Variants in UBTD2 observed in about 807,000 individuals in gnomAD.
UBTD2 encodes the protein ubiquitin domain-containing protein 2.
UBTD2 carries 9 observed loss-of-function variants against 19.8 expected under a neutral mutation model. The observed-to-expected ratio is 0.46, with a 90% CI of 0.27 to 0.79. UBTD2 has a LOEUF of 0.79. UBTD2 is among the 30% of genes least tolerant of loss of function. The probability of loss-of-function intolerance (pLI) is 0.14; values close to 1 mark genes in which losing one functional copy is unlikely to be tolerated. For missense variants in UBTD2, 250 were observed against 300.4 expected, an observed-to-expected ratio of 0.83 and a Z score of 1.24; for synonymous variants, 98 against 103.9, an observed-to-expected ratio of 0.94 and a Z score of 0.35.
chr5:172,268,229 T>C (rs530086214), intron 1 of UBTD2, among the ~76,000 whole-genome samples: 3 of 152,150 alleles, frequency 2.0e-5, no homozygotes, highest in East Asian at 3.9e-4. Context: ...CTAAGGAAGT[T>C]CAGAAAACGG....
chr5:172,243,707 C>T (rs983333348), intron 1 of UBTD2, among the ~76,000 whole-genome samples: 9 of 151,636 alleles, frequency 5.9e-5, no homozygotes, highest in East Asian at 1.9e-4. Flanking sequence ...GGATTACAGA[C>T]GCCTGCCACC....
intron 1 of UBTD2, among the ~76,000 whole-genome samples, chr5:172,259,996 T>G (rs908611664): frequency 6.6e-6 from 1 of 152,066 alleles, no homozygotes; most frequent in Non-Finnish European, 1.5e-5. Context: ...GAGGTTGCAG[T>G]GAGCCAAGAT....
At chr5:172,227,148 T>G (rs1314849182) in intron 2 of UBTD2, among the ~76,000 whole-genome samples, 1 of 152,136 alleles carries the variant, frequency 6.6e-6, no homozygotes, top group Non-Finnish European at 1.5e-5. Flanking sequence ...AGAAACCCTG[T>G]GTTCCTCTAC....
intron 1 of UBTD2, among the ~76,000 whole-genome samples, chr5:172,254,158 G>A (rs1455858095): frequency 6.6e-6 from 1 of 152,140 alleles, no homozygotes; most frequent in Admixed American, 6.5e-5. Flanking sequence ...GGAGTGCAGT[G>A]GTGCAATCTC....
chr5:172,255,640 G>A (rs954273266), intron 1 of UBTD2, among the ~76,000 whole-genome samples: 1 of 152,126 alleles, frequency 6.6e-6, no homozygotes, highest in Non-Finnish European at 1.5e-5. Flanking sequence ...GCTGGGGCCC[G>A]GCTACACGAG....
intron 1 of UBTD2, among the ~76,000 whole-genome samples, chr5:172,274,871 C>T (rs570229102): frequency 4.7e-4 from 71 of 152,214 alleles, no homozygotes; most frequent in African/African-American, 1.5e-3. Flanking sequence ...CCCAACTCTA[C>T]TAAAAATACA....
intron 1 of UBTD2, among the ~76,000 whole-genome samples, chr5:172,235,638 T>C (rs1321702322): frequency 6.6e-6 from 1 of 152,110 alleles, no homozygotes; most frequent in African/African-American, 2.4e-5. Flanking sequence ...GACAATGTTA[T>C]GTAGTAGTAG....
intron 1 of UBTD2, among the ~76,000 whole-genome samples, chr5:172,278,414 AG>A (rs1344698760): frequency 6.6e-6 from 1 of 151,826 alleles, no homozygotes; most frequent in East Asian, 1.9e-4. Flanking sequence ...AGCTACTCGG[AG>A]GGCTGAGACA....
At chr5:172,242,330 T>G (rs979582653) in intron 1 of UBTD2, 1 of 960,556 alleles carries the variant, frequency 1.0e-6, no homozygotes, top group African/African-American at 1.8e-5. Context: ...AAAAAATTTA[T>G]ATCATCTATT....
rs1222525924 is a variant in UBTD2 at position 172,211,497 on chromosome 5, C to CA, written c.*332dup. 3 of 202,148 alleles carry CA rather than the reference C, an allele frequency of 1.5e-5. No individual in the cohort carries two copies. In the East Asian group the frequency reaches 3.5e-4, roughly 23 times the overall value. 12.5% of individuals were successfully genotyped at this position (202,148 alleles called of 1,614,324 possible). On this transcript the variant is annotated 3_prime_UTR_variant, in exon 3 of 3. Coordinates refer to ENST00000393792, the MANE Select transcript of UBTD2 (RefSeq NM_152277.3). ...CAAAAAGGTGCTTGGTGCTGTCCTTCATGGATGCAATGTTTCATTTACAGT... is the reference window on the plus strand; with the variant it reads ...CAAAAAGGTGCTTGGTGCTGTCCTTCAATGGATGCAATGTTTCATTTACAGT...
At chr5:172,220,468 T>C (rs1369657664) in intron 2 of UBTD2, among the ~76,000 whole-genome samples, 4 of 152,140 alleles carry the variant, frequency 2.6e-5, no homozygotes, top group Non-Finnish European at 5.9e-5. Context: ...AAACTCCATC[T>C]CTACTAAAAA....
chr5:172,270,913 A>G (rs1415801697), intron 1 of UBTD2, among the ~76,000 whole-genome samples: 2 of 152,120 alleles, frequency 1.3e-5, no homozygotes, highest in Admixed American at 1.3e-4. Context: ...CACTTCACTA[A>G]TATCACCTAT....
intron 1 of UBTD2, among the ~76,000 whole-genome samples, chr5:172,250,156 G>A (rs754889317): frequency 6.6e-6 from 1 of 152,116 alleles, no homozygotes; most frequent in Non-Finnish European, 1.5e-5. Flanking sequence ...CTGGTAGGCG[G>A]AGGTTGCAGT....
rs1771421405 is a variant in UBTD2, at chr5:172,210,531, T to C, written c.*1299A>G. ...TTACTCCAGTCATAGTATAGAAGAA[T>C]CAGGTTATCTCCCTGGATTTTTCAG... is the stretch of plus-strand genomic sequence containing the variant. On this transcript the variant is annotated 3_prime_UTR_variant, in exon 3 of 3. Coordinates refer to ENST00000393792, the MANE Select transcript of UBTD2 (RefSeq NM_152277.3). 1 of 152,172 alleles carries C rather than the reference T, an allele frequency of 6.6e-6. No homozygotes were observed. Among genetic ancestry groups the C allele is most frequent in the African/African-American group, 2.4e-5 (1 of 41,434 alleles). The allele number at this position is 152,172 out of a possible 1,614,324, so 9.4% of individuals were successfully genotyped here.
chr5:172,273,162 G>T (rs1755533675), intron 1 of UBTD2, among the ~76,000 whole-genome samples: 1 of 151,476 alleles, frequency 6.6e-6, no homozygotes, highest in Admixed American at 6.6e-5. Context: ...AAAGTTAGAA[G>T]AGTAAAAATT....
rs760839852 is a variant in UBTD2, at chr5:172,211,853, T to C, written c.682A>G (p.Asn228Asp). The change falls in exon 3 of 3, where the codon AAC (asparagine) becomes GAC (aspartate). Residue 228 changes from asparagine to aspartate, a missense_variant. Transcript: ENST00000393792. The part of the protein sequence containing the change: ...VQVIVSQPVQ[N>D]PTPVEN Reference sequence around the variant, plus strand: ...GTTCAGTTCTCCACTGGTGTTGGGTTCTGCACAGGTTGGCTCACTATAACC... The same window carrying C: ...GTTCAGTTCTCCACTGGTGTTGGGTCCTGCACAGGTTGGCTCACTATAACC... The C allele has an allele frequency of 5.6e-6, 9 of 1,613,324 alleles. No homozygotes were observed. The highest frequency in any genetic ancestry group is 7.6e-6 in the Non-Finnish European group (9 of 1,179,510).
chr5:172,275,689 C>G (rs1173302764), intron 1 of UBTD2, among the ~76,000 whole-genome samples: 4 of 152,190 alleles, frequency 2.6e-5, no homozygotes, highest in Non-Finnish European at 5.9e-5. Flanking sequence ...CAGCTGATCC[C>G]AAAATCCACA....
chr5:172,253,258 G>GCTTA (rs1440073544), intron 1 of UBTD2, among the ~76,000 whole-genome samples: 1 of 151,986 alleles, frequency 6.6e-6, no homozygotes, highest in Non-Finnish European at 1.5e-5. Flanking sequence ...TTTATTTTTA[G>GCTTA]CTTACTTAAG....
intron 2 of UBTD2, among the ~76,000 whole-genome samples, chr5:172,231,778 G>A (rs1397755689): frequency 2.0e-5 from 3 of 151,950 alleles, no homozygotes; most frequent in East Asian, 3.9e-4. Flanking sequence ...CAGAGGATAT[G>A]GACATCAAAA....
Sources: gnomAD v4.1 joint callset for allele counts (sites outside exome capture counted in the v4.1 genomes callset) on GRCh38, gnomAD v4.1.1 for gene constraint, MANE v1.5 for transcripts, NCBI Gene and HGNC (gene_info 2026-07-23, HGNC 2026-07-21) for gene names.